KIF24: variants seen among roughly 807,000 people sequenced by gnomAD.
KIF24 encodes kinesin family member 24, also known as kinesin-like protein KIF24.
Under a neutral mutation model 118.9 loss-of-function variants are expected in KIF24, and 81 were observed. That is an observed-to-expected ratio of 0.68 (90% confidence interval 0.57 to 0.82). The LOEUF is 0.82. KIF24 is among the 40% of genes least tolerant of loss of function. The probability of loss-of-function intolerance (pLI) is 0.00; values close to 1 mark genes in which losing one functional copy is unlikely to be tolerated. For synonymous variants in KIF24, 599 were observed against 610.0 expected (o/e 0.98, Z 0.27); for missense variants, 1,560 against 1,661.6 (o/e 0.94, Z 1.06).
At chr9:34,319,132 C>A (rs945978178) in intron 1 of KIF24, 11 of 1,541,278 alleles carry the variant, frequency 7.1e-6, no homozygotes, top group Admixed American at 3.3e-5. Flanking sequence ...CAGGCCTCTA[C>A]AACTACTATG....
chr9:34,298,613 C>T (rs1375769256), intron 3 of KIF24, among the ~76,000 whole-genome samples: 2 of 151,436 alleles, frequency 1.3e-5, no homozygotes, highest in Non-Finnish European at 2.9e-5. Context: ...TCTTGGGACA[C>T]CAGTCTTAAC....
chr9:34,292,962 G>C (rs1157897361), intron 4 of KIF24, among the ~76,000 whole-genome samples: 1 of 152,118 alleles, frequency 6.6e-6, no homozygotes, highest in African/African-American at 2.4e-5. Flanking sequence ...CACTTAACTT[G>C]CAACTCTTGT....
At chr9:34,319,677 TG>T in intron 1 of KIF24, 1 of 779,456 alleles carries the variant, frequency 1.3e-6, no homozygotes, top group Non-Finnish European at 2.3e-6. Flanking sequence ...GCACACAGGA[TG>T]GCAGGAGGCA....
At chr9:34,295,130 G>A (rs1047979836) in intron 4 of KIF24, among the ~76,000 whole-genome samples, 4 of 151,958 alleles carry the variant, frequency 2.6e-5, no homozygotes, top group Non-Finnish European at 1.5e-5. Flanking sequence ...TAGGTAGGTA[G>A]ATAGGTAGGT....
intron 4 of KIF24, among the ~76,000 whole-genome samples, chr9:34,293,770 C>A (rs1456814756): frequency 6.6e-6 from 1 of 151,494 alleles, no homozygotes; most frequent in Admixed American, 6.6e-5. Flanking sequence ...GACTCCGTCT[C>A]AAAAAAAAGA....
Position 34,262,667 on chromosome 9 carries a change from A to T in KIF24, c.1515+434T>A, listed in dbSNP as rs1563936558. On this transcript the variant is annotated intron_variant, in intron 9 of 12. Transcript: ENST00000402558. ...ACCAAAAAAAAAAAAAAAAAAAAAA[A>T]AAAAAAAAATATATATATATATATA... is the stretch of plus-strand genomic sequence containing the variant. Among the ~76,000 whole-genome samples, 140 of 42,968 alleles carry T rather than the reference A, an allele frequency of 3.3e-3. 1 individual carries two copies. The highest frequency in any genetic ancestry group is 4.1e-3 in the Non-Finnish European group (91 of 22,300). 28.2% of individuals were successfully genotyped at this position (42,968 alleles called of 152,430 possible).
chr9:34,318,952 C>G lies in KIF24; in HGVS notation c.-25-7581G>C. ...AGTGGGCCGTGCAGACCACCGACGG[C>G]AAGCTGCCCAAGGTCACCAAGGACA... is the stretch of plus-strand genomic sequence containing the variant. On this transcript the variant is annotated intron_variant, in intron 1 of 12. Transcript: ENST00000402558. The surrounding 1 kb of genome is among the most constrained non-coding windows in gnomAD (Gnocchi z 4.9). 6.8e-7 allele frequency: 1 copy of G among 1,473,928 alleles called. No homozygotes were observed. The highest frequency in any genetic ancestry group is 1.4e-5 in the African/African-American group (1 of 72,460). The allele number at this position is 1,473,928 out of a possible 1,614,324, so 91.3% of individuals were successfully genotyped here. A position where few individuals can be genotyped will look rare whatever the true frequency, so the allele number is the denominator to read the frequency against.
Position 34,318,514 on chromosome 9 carries a change from C to T in KIF24, c.-25-7143G>A. 1 of 908,696 alleles carries T rather than the reference C, an allele frequency of 1.1e-6. No homozygotes were observed. The highest frequency in any genetic ancestry group is 1.6e-5 in the African/African-American group (1 of 62,302). 56.3% of individuals were successfully genotyped at this position (908,696 alleles called of 1,614,324 possible). A position where few individuals can be genotyped will look rare whatever the true frequency, so the allele number is the denominator to read the frequency against. ...CTCCTGGCACCGCAGAGAAGCTGAG[C>T]CCCAAGGCAGCCACGCTGGCCGAAC... On this transcript the variant is annotated intron_variant, in intron 1 of 12. Coordinates refer to ENST00000402558, the MANE Select transcript of KIF24 (RefSeq NM_194313.4). The surrounding 1 kb of genome is among the most constrained non-coding windows in gnomAD (Gnocchi z 4.9).
rs746873503 is a variant in KIF24 at position 34,256,343 on chromosome 9, T to C, written c.3264A>G (p.Pro1088=). The change falls in exon 11 of 13, where the codon CCA becomes CCG. Residue 1088 remains proline (P), a synonymous_variant. Transcript: ENST00000402558. ...CAGATGGCACTGTGTGGCTCACAAC[T>C]GGGCCCCCTGTGCTCTCTGCCACTA... The part of the protein sequence containing the change: ...HSLVAESTGG[P]VVSHTVPSGD... 5 of 1,613,584 alleles carry C rather than the reference T, an allele frequency of 3.1e-6. No homozygotes were observed. Among genetic ancestry groups the C allele is most frequent in the Admixed American group, 3.3e-5 (2 of 59,986 alleles).
intron 6 of KIF24, among the ~76,000 whole-genome samples, chr9:34,280,384 T>TA (rs1563945314): frequency 6.7e-6 from 1 of 149,954 alleles, no homozygotes. Context: ...ATTTACAGTC[T>TA]AAAGGCAATG....
chr9:34,271,690 C>T, intron 7 of KIF24, 119 bp downstream of exon 7: 1 of 1,035,408 alleles, frequency 9.7e-7, no homozygotes, highest in Non-Finnish European at 1.4e-6. Context: ...CAACTCTACT[C>T]TGTATCCCTG....
At chr9:34,308,389 TTTTCC>T (rs1413990583) in intron 2 of KIF24, among the ~76,000 whole-genome samples, 2 of 151,920 alleles carry the variant, frequency 1.3e-5, no homozygotes, top group African/African-American at 4.8e-5. Context: ...GTTCAAGCGA[TTTTCC>T]TACCTCAGCC....
At chr9:34,271,188 T>C (rs1196113477) in intron 7 of KIF24, among the ~76,000 whole-genome samples, 2 of 152,116 alleles carry the variant, frequency 1.3e-5, no homozygotes, top group Non-Finnish European at 1.5e-5. Flanking sequence ...AACATGTCTA[T>C]TGGTTTTAAT....
intron 1 of KIF24, among the ~76,000 whole-genome samples, chr9:34,312,886 A>G (rs1294112691): frequency 1.3e-5 from 2 of 152,136 alleles, no homozygotes; most frequent in Non-Finnish European, 2.9e-5. Context: ...TTTAGTAGAG[A>G]AGGAGTTTCG....
intron 6 of KIF24, among the ~76,000 whole-genome samples, chr9:34,275,020 G>A (rs1482804038): frequency 6.6e-6 from 1 of 152,154 alleles, no homozygotes; most frequent in Non-Finnish European, 1.5e-5. Context: ...GGGATGTAGG[G>A]GTGGTTAATA....
rs1006248155 is a variant in KIF24 at position 34,319,267 on chromosome 9, C to T, written c.-25-7896G>A. On this transcript the variant is annotated intron_variant, in intron 1 of 12. Coordinates refer to ENST00000402558, the MANE Select transcript of KIF24 (RefSeq NM_194313.4). ...CCTTAAAAAGCTGGTAACCAAAGAG[C>T]AGCTGAAGATCTGGATGGGGAAGAA... 3 of 1,186,206 alleles carry T rather than the reference C, an allele frequency of 2.5e-6. No homozygotes were observed. The African/African-American group carries it at 4.5e-5, about 18-fold the overall frequency. The allele number at this position is 1,186,206 out of a possible 1,614,324, so 73.5% of individuals were successfully genotyped here.
intron 6 of KIF24, among the ~76,000 whole-genome samples, chr9:34,284,726 T>C (rs983404556): frequency 1.3e-5 from 2 of 152,016 alleles, no homozygotes; most frequent in Admixed American, 1.3e-4. Context: ...GTCAGGATAA[T>C]AGGGGGGTGT....
rs1444043292 is a variant in KIF24 at position 34,318,687 on chromosome 9, C to T, written c.-25-7316G>A. The T allele has an allele frequency of 1.3e-6, 2 of 1,536,344 alleles. No homozygotes were observed. Among genetic ancestry groups the T allele is most frequent in the Non-Finnish European group, 1.8e-6 (2 of 1,131,686 alleles). On this transcript the variant is annotated intron_variant, in intron 1 of 12. Coordinates refer to ENST00000402558, the MANE Select transcript of KIF24 (RefSeq NM_194313.4). This position sits in a 1 kb window ranked among gnomAD's most constrained non-coding sequence, Gnocchi z 4.9. Reference sequence around the variant, plus strand: ...GCGACCACGGCGTCGGAGGCCAAGGCAGTGCTGAGTGCCAAGCAGCTGAGC... The same window carrying T: ...GCGACCACGGCGTCGGAGGCCAAGGTAGTGCTGAGTGCCAAGCAGCTGAGC...
Position 34,256,822 on chromosome 9 carries a change from G to T in KIF24, c.2785C>A (p.Pro929Thr), listed in dbSNP as rs776613528. The stretch of plus-strand genomic sequence containing the variant: ...TCTGCCAGGCTGTCTCTGGGAGAAG[G>T]CCCTGAGGAAGTAGAGTTCTCTCTG... ...WSRENSTSSG[P>T]SPRDSLAEKP... is the part of the protein sequence containing the mutation. The change falls in exon 11 of 13, where the codon CCT becomes ACT. Residue 929 changes from proline (P) to threonine (T), a missense_variant. By Grantham distance (38) the Pro-to-Thr change is conservative. This residue lies in a region of KIF24 where 591 missense variants were observed against 655.6 expected (regional missense o/e 0.90). Transcript: ENST00000402558. The T allele has an allele frequency of 6.2e-7, 1 of 1,613,900 alleles. No individual in the cohort carries two copies. Among genetic ancestry groups the T allele is most frequent in the Non-Finnish European group, 8.5e-7 (1 of 1,179,902 alleles).
Sources: allele counts gnomAD v4.1 joint callset (sites outside exome capture counted in the v4.1 genomes callset), GRCh38; gene constraint gnomAD v4.1.1; regional missense constraint gnomAD v4.1.1; non-coding constraint Gnocchi (gnomAD v3.1); transcripts MANE v1.5; gene names NCBI Gene and HGNC (gene_info 2026-07-23, HGNC 2026-07-21).